The following IVNS1ABP variants were observed in gnomAD, a reference collection of about 807,000 sequenced individuals.
The protein encoded by IVNS1ABP is influenza virus NS1A binding protein.
Under a neutral mutation model 78.9 loss-of-function variants are expected in IVNS1ABP, and 25 were observed. The observed-to-expected ratio is 0.32, with a 90% CI of 0.23 to 0.44. The LOEUF is 0.44. IVNS1ABP is among the 20% of genes least tolerant of loss of function. IVNS1ABP has a pLI of 1.00. For missense variants in IVNS1ABP, 494 were observed against 768.9 expected (o/e 0.64, Z 4.23); for synonymous variants, 241 against 259.7 (o/e 0.93, Z 0.69).
Position 185,297,946 on chromosome 1 carries a change from T to C in IVNS1ABP, c.*89A>G. The C allele has an allele frequency of 7.7e-7, 1 of 1,295,734 alleles. No homozygotes were observed. Among genetic ancestry groups the C allele is most frequent in the African/African-American group, 1.5e-5 (1 of 67,734 alleles). The allele number at this position is 1,295,734 out of a possible 1,614,324, so 80.3% of individuals were successfully genotyped here. ...TTTGTGTTGCTGTTAGCAACATCTATACCCACCCACCCTCTTTATTCACAA... is the reference window on the plus strand; with the variant it reads ...TTTGTGTTGCTGTTAGCAACATCTACACCCACCCACCCTCTTTATTCACAA... On this transcript the variant is annotated 3_prime_UTR_variant, in exon 15 of 15. Transcript: ENST00000367498.
chr1:185,299,464 CT>C, intron 14 of IVNS1ABP: 1 of 506,730 alleles, frequency 2.0e-6, no homozygotes, highest in Non-Finnish European at 3.5e-6. Flanking sequence ...AAGAAAATGA[CT>C]TGGAAATTCA....
chr1:185,300,694 TTAAC>T (rs765398037), intron 10 of IVNS1ABP, 136 bp from the exon 11 acceptor site: 1,115 of 899,224 alleles, frequency 1.2e-3, no homozygotes, highest in Non-Finnish European at 1.6e-3. Flanking sequence ...AGTTGATCTT[TTAAC>T]TAAGTGCTTG....
At chr1:185,303,675 C>T (rs1665659103) in intron 8 of IVNS1ABP, among the ~76,000 whole-genome samples, 1 of 152,024 alleles carries the variant, frequency 6.6e-6, no homozygotes, top group African/African-American at 2.4e-5. Context: ...CTCCTTCATG[C>T]CCCTAGATTA....
chr1:185,301,773 C>A (rs1665607222), intron 8 of IVNS1ABP: 1 of 404,010 alleles, frequency 2.5e-6, no homozygotes, highest in Middle Eastern at 6.1e-4. Context: ...TACGCCTACA[C>A]AATTAGCCTA....
At chr1:185,309,203 A>G in intron 3 of IVNS1ABP, 31 bp from the exon 4 acceptor site, 1 of 1,473,306 alleles carries the variant, frequency 6.8e-7, no homozygotes, top group Non-Finnish European at 9.2e-7. Context: ...AATTATAAGT[A>G]TTGTGGATTA....
intron 10 of IVNS1ABP, 61 bp downstream of exon 10, chr1:185,300,911 G>GT (rs560801818): frequency 7.7e-7 from 1 of 1,306,704 alleles, no homozygotes; most frequent in Non-Finnish European, 1.1e-6. Flanking sequence ...CTCTTTGAAA[G>GT]TTTGCATGTC....
At chr1:185,313,583 A>G (rs1286525556) in intron 1 of IVNS1ABP, among the ~76,000 whole-genome samples, 2 of 152,210 alleles carry the variant, frequency 1.3e-5, no homozygotes, top group Non-Finnish European at 2.9e-5. Context: ...GCAAATCAAG[A>G]GTTTTAAACT....
At position 185,305,554 on chromosome 1, in the gene IVNS1ABP, GTCA is replaced by G; in HGVS notation, c.744_746del (p.Asp249del). On this transcript the variant is annotated inframe_deletion, in exon 8 of 15. Coordinates refer to ENST00000367498, the MANE Select transcript of IVNS1ABP (RefSeq NM_006469.5). This position sits in a 1 kb window ranked among gnomAD's most constrained non-coding sequence, Gnocchi z 4.0. The stretch of plus-strand genomic sequence containing the variant: ...TGTGTACCTGCACAAACTGAATGTG[GTCA>G]TCATCACTGCCAAACACCTCAGCCT... 2 of 1,612,932 alleles carry G rather than the reference GTCA, an allele frequency of 1.2e-6. No homozygotes were observed. Among genetic ancestry groups the G allele is most frequent in the Non-Finnish European group, 8.5e-7 (1 of 1,179,476 alleles).
At position 185,307,071 on chromosome 1, in the gene IVNS1ABP, G is replaced by A. The variant is rs769554263; in HGVS notation, c.600C>T (p.Asn200=). ...TCTCCCAGATGCTACGCTGCACCCA[G>A]TTGATTACCTTTGTATATAATTTGC... ...SNGKLYTKVI[N]WVQRSIWENG... is the part of the protein sequence containing the mutation. The change falls in exon 7 of 15, where the codon AAC becomes AAT. Residue 200 remains asparagine, a synonymous_variant. Transcript: ENST00000367498. The A allele has an allele frequency of 1.1e-5, 18 of 1,613,306 alleles. No homozygotes were observed. The highest frequency in any genetic ancestry group is 1.4e-5 in the Non-Finnish European group (16 of 1,179,484).
chr1:185,308,488 G>A (rs1456577140), intron 5 of IVNS1ABP, among the ~76,000 whole-genome samples: 1 of 152,150 alleles, frequency 6.6e-6, no homozygotes, highest in Non-Finnish European at 1.5e-5. Flanking sequence ...ACACAGAATT[G>A]AGGATATAAG....
At chr1:185,312,503 G>A (rs2102823467) in intron 1 of IVNS1ABP, among the ~76,000 whole-genome samples, 1 of 152,226 alleles carries the variant, frequency 6.6e-6, no homozygotes, top group South Asian at 2.1e-4. Context: ...TCCACTGCAG[G>A]CTGGTCCAGT....
At chr1:185,307,922 A>G in intron 5 of IVNS1ABP, 1 of 1,528,384 alleles carries the variant, frequency 6.5e-7, no homozygotes, top group Non-Finnish European at 8.8e-7. Context: ...TTTCAAGTAG[A>G]ATAATTTGGT....
At chr1:185,310,950 G>T (rs11811583) in intron 2 of IVNS1ABP, 145 bp downstream of exon 2, 4,153 of 189,836 alleles carry the variant, frequency 0.022, 195 homozygotes, top group African/African-American at 0.089. Context: ...ATATAGAAAA[G>T]AAAAATATGA....
rs1665471555 is a variant in IVNS1ABP at position 185,298,146 on chromosome 1, G to A, written c.1818C>T (p.Asn606=). The A allele has an allele frequency of 6.2e-7, 1 of 1,613,848 alleles. No individual in the cohort carries two copies. Among genetic ancestry groups the A allele is most frequent in the Non-Finnish European group, 8.5e-7 (1 of 1,179,844 alleles). Residue 606 remains asparagine, a synonymous_variant, in exon 15 of 15, where the codon AAC becomes AAT. Transcript: ENST00000367498. The surrounding 1 kb of genome is among the most constrained non-coding windows in gnomAD (Gnocchi z 4.1). The part of the protein sequence containing the change: ...RSNAGIATVG[N]TIYAVGGFDG... ...CGAATCCTCCCACTGCATAAATGGT[G>A]TTCCCTACAGTTGCAATCCCAGCAT...
chr1:185,298,087 T>C lies in IVNS1ABP; in HGVS notation c.1877A>G (p.Tyr626Cys). The change falls in exon 15 of 15, where the codon TAT becomes TGT. Residue 626 changes from tyrosine to cysteine, a missense_variant. Tyr to Cys is a radical substitution (Grantham distance 194). Transcript: ENST00000367498. This position sits in a 1 kb window ranked among gnomAD's most constrained non-coding sequence, Gnocchi z 4.1. ...GNEFLNTVEV[Y>C]NLESNEWSPY... The stretch of plus-strand genomic sequence containing the variant: ...GCTCCATTCATTTGACTCAAGGTTA[T>C]AGACTTCCACCGTATTCAGAAATTC... The C allele has an allele frequency of 6.2e-7, 1 of 1,613,716 alleles. No homozygotes were observed. The highest frequency in any genetic ancestry group is 8.5e-7 in the Non-Finnish European group (1 of 1,179,756).
chr1:185,297,773 C>T lies in IVNS1ABP; in HGVS notation c.*262G>A. On this transcript the variant is annotated 3_prime_UTR_variant, in exon 15 of 15. Transcript: ENST00000367498. Reference sequence around the variant, plus strand: ...GAGGGGACTTCTTGAAATGATGTGCCCAATCAATTCTTGGTTTATTCTTTT... The same window carrying T: ...GAGGGGACTTCTTGAAATGATGTGCTCAATCAATTCTTGGTTTATTCTTTT... 1 of 452,624 alleles carries T rather than the reference C, an allele frequency of 2.2e-6. No homozygotes were observed. The highest frequency in any genetic ancestry group is 3.9e-6 in the Non-Finnish European group (1 of 254,858). The allele number at this position is 452,624 out of a possible 1,614,324, so 28.0% of individuals were successfully genotyped here. A position where few individuals can be genotyped will look rare whatever the true frequency, so the allele number is the denominator to read the frequency against.
chr1:185,309,025 A>G lies in IVNS1ABP; in HGVS notation c.259T>C (p.Leu87=). ...TACTGAGCAGTGTAGGCATAATTCA[A>G]CAAGACTTCAACAGCTTCTGGATTG... ...DLNPEAVEVL[L]NYAYTAQLKA... Residue 87 remains leucine, a synonymous_variant, in exon 4 of 15, where the codon TTG becomes CTG. Coordinates refer to ENST00000367498, the MANE Select transcript of IVNS1ABP (RefSeq NM_006469.5). 1.2e-6 allele frequency: 2 copies of G among 1,611,622 alleles called. No homozygotes were observed. The highest frequency in any genetic ancestry group is 1.7e-6 in the Non-Finnish European group (2 of 1,178,968).
intron 5 of IVNS1ABP, chr1:185,307,870 A>G: frequency 7.0e-7 from 1 of 1,426,980 alleles, no homozygotes. Flanking sequence ...GTTTAAGGAG[A>G]GGTACAACAA....
At chr1:185,312,095 G>C (rs754142829) in intron 1 of IVNS1ABP, among the ~76,000 whole-genome samples, 50 of 152,188 alleles carry the variant, frequency 3.3e-4, no homozygotes, top group African/African-American at 1.1e-3. Context: ...TGAACATAAA[G>C]ATGAGTAATT....
Sources: allele counts gnomAD v4.1 joint callset (sites outside exome capture counted in the v4.1 genomes callset), GRCh38; gene constraint gnomAD v4.1.1; non-coding constraint Gnocchi (gnomAD v3.1); transcripts MANE v1.5; gene names NCBI Gene and HGNC (gene_info 2026-07-23, HGNC 2026-07-21).